NDUFAF2: variants seen among roughly 807,000 people sequenced by gnomAD.
The protein encoded by NDUFAF2 is NADH:ubiquinone oxidoreductase complex assembly factor 2.
Under a neutral mutation model 22.8 loss-of-function variants are expected in NDUFAF2, and 13 were observed. That is an observed-to-expected ratio of 0.57 (90% CI 0.37 to 0.91). The LOEUF (loss-of-function observed/expected upper bound fraction) is 0.91, where lower values mean the gene tolerates loss of function less well. Ranked by LOEUF, NDUFAF2 falls within the 40% of genes least tolerant of loss-of-function variation. NDUFAF2 has a pLI of 0.01. For synonymous variants in NDUFAF2, 53 were observed against 64.2 expected (o/e 0.83, Z 0.84); for missense variants, 162 against 195.2 (o/e 0.83, Z 1.01).
At chr5:61,118,109 T>C (rs1454345937) in intron 3 of NDUFAF2, among the ~76,000 whole-genome samples, 1 of 152,214 alleles carries the variant, frequency 6.6e-6, no homozygotes, top group Non-Finnish European at 1.5e-5. Context: ...CCAGTTCTCC[T>C]TTCTCACTTC....
chr5:61,026,812 A>G (rs1312412084), intron 1 of NDUFAF2, among the ~76,000 whole-genome samples: 1 of 151,970 alleles, frequency 6.6e-6, no homozygotes, highest in Non-Finnish European at 1.5e-5. Context: ...CAAAATGTAC[A>G]AAAAGTTCTT....
rs1485903687 is a variant in NDUFAF2 at position 61,123,455 on chromosome 5, A to G, written c.258+24423A>G. Among the ~76,000 whole-genome samples, 5 of 152,152 alleles carry G rather than the reference A, an allele frequency of 3.3e-5. No individual in the cohort carries two copies. In the East Asian group the frequency reaches 7.7e-4, roughly 23 times the overall value. On this transcript the variant is annotated intron_variant, in intron 3 of 3. Transcript: ENST00000296597. ...AACTGTATGTAGGCAACTGTAACAC[A>G]ATGGTAAATATTTGTGTTTCTAAGT...
intron 1 of NDUFAF2, among the ~76,000 whole-genome samples, chr5:61,022,158 G>A (rs1487321090): frequency 6.6e-6 from 1 of 152,104 alleles, no homozygotes; most frequent in African/African-American, 2.4e-5. Flanking sequence ...CCAGGAATCT[G>A]GGTATCATGG....
At chr5:60,999,993 C>T (rs1301064267) in intron 1 of NDUFAF2, among the ~76,000 whole-genome samples, 2 of 151,726 alleles carry the variant, frequency 1.3e-5, no homozygotes, top group South Asian at 2.1e-4. Context: ...TTTTTTTGGT[C>T]TGGAATTTGC....
intron 1 of NDUFAF2, among the ~76,000 whole-genome samples, chr5:60,973,357 T>C (rs1218146409): frequency 1.3e-5 from 2 of 152,202 alleles, no homozygotes; most frequent in African/African-American, 4.8e-5. Context: ...GCTTGCTTGT[T>C]TGTTTGTTTA....
At chr5:61,096,651 T>C (rs927244867) in intron 2 of NDUFAF2, among the ~76,000 whole-genome samples, 1 of 122,524 alleles carries the variant, frequency 8.2e-6, no homozygotes, top group African/African-American at 3.1e-5. Flanking sequence ...ATTGGCCAAA[T>C]AGGAGTAAAA....
chr5:60,966,534 A>G (rs1215667571), intron 1 of NDUFAF2, among the ~76,000 whole-genome samples: 1 of 152,098 alleles, frequency 6.6e-6, no homozygotes, highest in African/African-American at 2.4e-5. Context: ...TGATTTTTGA[A>G]TATAGTGTGA....
At chr5:60,969,511 C>G (rs2112571979) in intron 1 of NDUFAF2, among the ~76,000 whole-genome samples, 1 of 152,046 alleles carries the variant, frequency 6.6e-6, no homozygotes, top group Non-Finnish European at 1.5e-5. Context: ...TGTATGTCTT[C>G]TTTTGAAAAT....
chr5:61,152,878 G>A lies in NDUFAF2; in HGVS notation c.433G>A (p.Val145Met), dbSNP rs1276627263. 6.2e-7 allele frequency: 1 copy of A among 1,611,830 alleles called. No homozygotes were observed. Among genetic ancestry groups the A allele is most frequent in the Non-Finnish European group, 8.5e-7 (1 of 1,178,700 alleles). Residue 145 changes from valine to methionine, a missense_variant, in exon 4 of 4, where the codon GTG becomes ATG. Val to Met is a conservative substitution (Grantham distance 21). Coordinates refer to ENST00000296597, the MANE Select transcript of NDUFAF2 (RefSeq NM_174889.5). ...ATACTTTGGAAAGGAAGAACCCTCA[G>A]TGGCTCCCAGCAGCACTGGTAAAAC... is the stretch of plus-strand genomic sequence containing the variant. Reference protein sequence around the residue: ...APYFGKEEPSVAPSSTGKTFQ... With the variant: ...APYFGKEEPSMAPSSTGKTFQ...
intron 1 of NDUFAF2, among the ~76,000 whole-genome samples, chr5:61,002,246 A>G (rs1026361583): frequency 2.6e-5 from 4 of 152,120 alleles, no homozygotes; most frequent in African/African-American, 9.7e-5. Flanking sequence ...AGTCCTCTCT[A>G]ATACTAGCTT....
intron 1 of NDUFAF2, among the ~76,000 whole-genome samples, chr5:61,028,409 A>T (rs1751681210): frequency 6.6e-6 from 1 of 151,908 alleles, no homozygotes; most frequent in South Asian, 2.1e-4. Flanking sequence ...TACAAATAAG[A>T]TTTTCTGGAA....
intron 1 of NDUFAF2, among the ~76,000 whole-genome samples, chr5:61,048,279 A>G (rs775978125): frequency 4.6e-5 from 7 of 152,162 alleles, no homozygotes; most frequent in Non-Finnish European, 1.0e-4. Flanking sequence ...ATTTTAAATC[A>G]AGAAAAAACA....
chr5:61,149,276 G>T (rs1035301351), intron 3 of NDUFAF2, among the ~76,000 whole-genome samples: 18 of 152,070 alleles, frequency 1.2e-4, no homozygotes, highest in African/African-American at 3.4e-4. Context: ...GGCCCATTTG[G>T]CATTGTTTTA....
intron 1 of NDUFAF2, among the ~76,000 whole-genome samples, chr5:60,954,640 G>T (rs1750591582): frequency 6.6e-6 from 1 of 151,866 alleles, no homozygotes; most frequent in South Asian, 2.1e-4. Flanking sequence ...TTGTCTCTTA[G>T]AAATTCTTCC....
In NDUFAF2 at chr5:60,976,499, A is replaced by G. The variant is rs111428217; in HGVS notation, c.127+31117A>G. ...CTGATATTTTGTCAGTGTTTTTTAA[A>G]TTGAAGGAAATGGACCCCAAGGGGG... On this transcript the variant is annotated intron_variant, in intron 1 of 3. Coordinates refer to ENST00000296597, the MANE Select transcript of NDUFAF2 (RefSeq NM_174889.5). 2.4e-3 allele frequency among the ~76,000 whole-genome samples: 364 copies of G among 152,268 alleles called. 8 individuals are homozygous for G. The highest frequency in any genetic ancestry group is 8.5e-3 in the African/African-American group (354 of 41,568).
At chr5:60,990,047 G>A (rs1043040396) in intron 1 of NDUFAF2, among the ~76,000 whole-genome samples, 1 of 152,156 alleles carries the variant, frequency 6.6e-6, no homozygotes. Flanking sequence ...AATAAGCCAG[G>A]CACAGAAAGA....
chr5:61,058,815 T>C (rs1443199312), intron 1 of NDUFAF2, among the ~76,000 whole-genome samples: 1 of 152,052 alleles, frequency 6.6e-6, no homozygotes, highest in Non-Finnish European at 1.5e-5. Flanking sequence ...AGTTGATTTC[T>C]ACACATCAAT....
chr5:61,026,791 T>C (rs929014585), intron 1 of NDUFAF2, among the ~76,000 whole-genome samples: 2 of 152,158 alleles, frequency 1.3e-5, no homozygotes, highest in African/African-American at 2.4e-5. Flanking sequence ...TGGTGGGTTT[T>C]TTATTTTTAG....
intron 1 of NDUFAF2, among the ~76,000 whole-genome samples, chr5:61,009,893 CA>C (rs1285581551): frequency 6.6e-6 from 1 of 151,978 alleles, no homozygotes; most frequent in Non-Finnish European, 1.5e-5. Context: ...CAAAGCAAAA[CA>C]AAAAACTCCA....
Sources: allele counts gnomAD v4.1 joint callset (sites outside exome capture counted in the v4.1 genomes callset), GRCh38; gene constraint gnomAD v4.1.1; transcripts MANE v1.5; gene names NCBI Gene and HGNC (gene_info 2026-07-23, HGNC 2026-07-21).